PEX6: variants seen among roughly 807,000 people sequenced by gnomAD.
The protein encoded by PEX6 is peroxisome biogenesis factor 6.
A neutral mutation model predicts 85.6 loss-of-function variants in PEX6; 55 were observed. That is an observed-to-expected ratio of 0.64 (90% confidence interval 0.52 to 0.80). The LOEUF (loss-of-function observed/expected upper bound fraction) is 0.80. PEX6 is among the 30% of genes least tolerant of loss of function. The probability of loss-of-function intolerance (pLI) is 0.00; values close to 1 mark genes in which losing one functional copy is unlikely to be tolerated. For missense variants in PEX6, 1,099 were observed against 1,260.3 expected (o/e 0.87, Z 1.94); for synonymous variants, 519 against 549.1 (o/e 0.95, Z 0.77).
chr6:42,978,380 G>C lies in PEX6; in HGVS notation c.771C>G (p.Pro257=). ...PRWDLSDRLG[P]GSGPLGEPLA... ...GGGGCTCTCCCAGCGGTCCAGAGCC[G>C]GGTCCCAGTCTATCAGAGAGGTCCC... is the stretch of plus-strand genomic sequence containing the variant. Residue 257 remains proline, a synonymous_variant, in exon 1 of 17, where the codon CCC becomes CCG. Coordinates refer to ENST00000304611, the MANE Select transcript of PEX6 (RefSeq NM_000287.4). 6.2e-7 allele frequency: 1 copy of C among 1,614,160 alleles called. No individual in the cohort carries two copies. The highest frequency in any genetic ancestry group is 1.1e-5 in the South Asian group (1 of 91,084).
At chr6:42,975,565 TATTA>T (rs1770254650) in intron 1 of PEX6, among the ~76,000 whole-genome samples, 1 of 152,186 alleles carries the variant, frequency 6.6e-6, no homozygotes, top group Admixed American at 6.5e-5. Flanking sequence ...CATCCCAAAG[TATTA>T]ACTGGTTACT....
chr6:42,978,389 TCTA>T lies in PEX6; in HGVS notation c.759_761del (p.Asp253_Arg254delinsGlu). On this transcript the variant is annotated inframe_deletion, in exon 1 of 17. Transcript: ENST00000304611. ...CCAGCGGTCCAGAGCCGGGTCCCAG[TCTA>T]TCAGAGAGGTCCCAGCGAGGTTCTA... is the stretch of plus-strand genomic sequence containing the variant. The T allele has an allele frequency of 6.2e-7, 1 of 1,614,086 alleles. No homozygotes were observed. Among genetic ancestry groups the T allele is most frequent in the Non-Finnish European group, 8.5e-7 (1 of 1,180,006 alleles).
chr6:42,964,807 A>AC lies in PEX6; in HGVS notation c.2788dup (p.Val930GlyfsTer3). On this transcript the variant is annotated frameshift_variant, in exon 16 of 17. Transcript: ENST00000304611. LOFTEE classifies it high-confidence loss of function. This position sits in a 1 kb window ranked among gnomAD's most constrained non-coding sequence, Gnocchi z 4.6. Reference sequence around the variant, plus strand: ...TGGCTCACCTTCCTCCAGGTCATGAACCCTGCGTTTGAGGGCAGCTGTCAT... The same window carrying AC: ...TGGCTCACCTTCCTCCAGGTCATGAACCCCTGCGTTTGAGGGCAGCTGTCAT... 1 of 1,613,906 alleles carries AC rather than the reference A, an allele frequency of 6.2e-7. No homozygotes were observed. Among genetic ancestry groups the AC allele is most frequent in the Non-Finnish European group, 8.5e-7 (1 of 1,179,998 alleles).
At chr6:42,972,769 CA>C (rs3997649) in intron 3 of PEX6, among the ~76,000 whole-genome samples, 3,375 of 57,216 alleles carry the variant, frequency 0.059, 117 homozygotes, top group African/African-American at 0.2. Context: ...GACTCTGTCT[CA>C]AAAAAAAAAA....
intron 1 of PEX6, among the ~76,000 whole-genome samples, chr6:42,976,373 CTTTTTT>C (rs67595251): frequency 0.013 from 2,027 of 151,698 alleles, 29 homozygotes; most frequent in Non-Finnish European, 0.022. Context: ...TCATTTTTTT[CTTTTTT>C]TGAGACAGAA....
intron 1 of PEX6, 44 bp from the exon 2 acceptor site, chr6:42,975,082 G>A (rs898374613): frequency 1.3e-6 from 2 of 1,509,746 alleles, no homozygotes; most frequent in East Asian, 4.5e-5. Context: ...CTCCTAAGGG[G>A]GCAGGCTCTA....
At position 42,966,334 on chromosome 6, in the gene PEX6, T is replaced by C. The variant is rs1769804754; in HGVS notation, c.2208A>G (p.Arg736=). Residue 736 remains arginine (R), a synonymous_variant, in exon 11 of 17, where the codon AGA becomes AGG. Coordinates refer to ENST00000304611, the MANE Select transcript of PEX6 (RefSeq NM_000287.4). ...EHPELLSLGL[R]RSGLLLHGPP... is the part of the protein sequence containing the mutation. ...GCCCATGGAGCAGAAGGCCTGAGCGTCTCAGGCCCAGGCTCAGTAGCTCAG... is the reference window on the plus strand; with the variant it reads ...GCCCATGGAGCAGAAGGCCTGAGCGCCTCAGGCCCAGGCTCAGTAGCTCAG... 3.1e-6 allele frequency: 5 copies of C among 1,613,564 alleles called. No homozygotes were observed. The highest frequency in any genetic ancestry group is 4.2e-6 in the Non-Finnish European group (5 of 1,179,904).
At chr6:42,968,251 G>GC (rs751839033) in intron 7 of PEX6, 39 bp downstream of exon 7, 50 of 1,569,806 alleles carry the variant, frequency 3.2e-5, no homozygotes, top group East Asian at 2.2e-4. Context: ...CGCCCAGCCG[G>GC]CCCCCCCAGC....
Position 42,964,386 on chromosome 6 carries a change from C to T in PEX6, c.2892G>A (p.Glu964=), listed in dbSNP as rs1561818538. ...TGCGCTTGTACCGGAGCAGCTCCTG[C>T]TCACTGACTGAGGGTTGCAGCCGGG... ...AAARLQPSVS[E]QELLRYKRIQ... Residue 964 remains glutamate, a synonymous_variant, in exon 17 of 17, where the codon GAG becomes GAA. Transcript: ENST00000304611. The surrounding 1 kb of genome is among the most constrained non-coding windows in gnomAD (Gnocchi z 4.6). The T allele has an allele frequency of 6.2e-7, 1 of 1,613,900 alleles. No individual in the cohort carries two copies. Among genetic ancestry groups the T allele is most frequent in the Non-Finnish European group, 8.5e-7 (1 of 1,180,038 alleles).
rs756925757 is a variant in PEX6 at position 42,966,672 on chromosome 6, A to G, written c.1962-15T>C. The G allele has an allele frequency of 5.9e-5, 95 of 1,614,020 alleles. No homozygotes were observed. The highest frequency in any genetic ancestry group is 5.4e-5 in the Non-Finnish European group (64 of 1,180,018). Reference sequence around the variant, plus strand: ...CACCTGCCAAACTGCAAAGAGGAACACAGGGAAGCCTCCTCACCATCAGCG... The same window carrying G: ...CACCTGCCAAACTGCAAAGAGGAACGCAGGGAAGCCTCCTCACCATCAGCG... On this transcript the variant is annotated splice_polypyrimidine_tract_variant and intron_variant, in intron 9 of 16. Coordinates refer to ENST00000304611, the MANE Select transcript of PEX6 (RefSeq NM_000287.4).
In PEX6 at chr6:42,964,114, C is replaced by A; in HGVS notation, c.*221G>T. 1.6e-6 allele frequency: 1 copy of A among 607,970 alleles called. No homozygotes were observed. Among genetic ancestry groups the A allele is most frequent in the Non-Finnish European group, 2.9e-6 (1 of 344,266 alleles). The allele number at this position is 607,970 out of a possible 1,614,324, so 37.7% of individuals were successfully genotyped here. A position where few individuals can be genotyped will look rare whatever the true frequency, so the allele number is the denominator to read the frequency against. ...TCTTCCTGAGTAGATGGGCCTTTCT[C>A]TTAGAGCCGGCCTGGAAGGAGGGGC... On this transcript the variant is annotated 3_prime_UTR_variant, in exon 17 of 17. Transcript: ENST00000304611. This position sits in a 1 kb window ranked among gnomAD's most constrained non-coding sequence, Gnocchi z 4.6.
rs1181573346 is a variant in PEX6 at position 42,966,964 on chromosome 6, G to GTTTTTT, written c.1885-107_1885-106insAAAAAA. On this transcript the variant is annotated intron_variant, in intron 8 of 16. Transcript: ENST00000304611. ...GGCCCTCTGTTGATGCCTTAGGTTTGTTGTTTTTTTTTTTTTTTTTTTTTT... is the reference window on the plus strand; with the variant it reads ...GGCCCTCTGTTGATGCCTTAGGTTTGTTTTTTTTGTTTTTTTTTTTTTTTTTTTTTT... 180 of 586,204 alleles carry GTTTTTT rather than the reference G, an allele frequency of 3.1e-4. 2 individuals carry two copies. The highest frequency in any genetic ancestry group is 9.3e-4 in the Admixed American group (28 of 30,000). The allele number at this position is 586,204 out of a possible 1,614,324, so 36.3% of individuals were successfully genotyped here.
Position 42,966,856 on chromosome 6 carries a change from GCCCTAGGGAA to G in PEX6, c.1885-8_1886del. On this transcript the variant is annotated splice_acceptor_variant and splice_polypyrimidine_tract_variant and coding_sequence_variant and intron_variant, in exon 9 of 17. Transcript: ENST00000304611. LOFTEE classifies it high-confidence loss of function. ...GGGCATAGAGATCCCCTACCACAAA[GCCCTAGGGAA>G]CCACAGGAAAGGACACATGAGCAGG... 6.2e-7 allele frequency: 1 copy of G among 1,611,844 alleles called. No homozygotes were observed. Among genetic ancestry groups the G allele is most frequent in the South Asian group, 1.1e-5 (1 of 91,074 alleles).
rs1317205407 is a variant in PEX6 at position 42,979,110 on chromosome 6, G to A, written c.41C>T (p.Thr14Ile). The A allele has an allele frequency of 1.9e-6, 3 of 1,567,182 alleles. No homozygotes were observed. The highest frequency in any genetic ancestry group is 2.6e-6 in the Non-Finnish European group (3 of 1,165,312). ...CAGCACTGCCAACGGGGGTGTCTCG[G>A]TCGGAAAGGGCTCCAGGACCCGCAA... ...AVLRVLEPFP[T>I]ETPPLAVLLP... is the part of the protein sequence containing the mutation. The change falls in exon 1 of 17, where the codon ACC (threonine) becomes ATC (isoleucine). Residue 14 changes from threonine to isoleucine, a missense_variant. This residue lies in a region of PEX6 where 579 missense variants were observed against 611.6 expected (regional missense o/e 0.95). Transcript: ENST00000304611.
At chr6:42,976,109 G>A (rs1327885049) in intron 1 of PEX6, among the ~76,000 whole-genome samples, 6 of 151,856 alleles carry the variant, frequency 4.0e-5, no homozygotes, top group Non-Finnish European at 8.8e-5. Flanking sequence ...AGCCAGGATG[G>A]TCTCAATCTC....
At chr6:42,970,933 G>A (rs929922933) in intron 3 of PEX6, among the ~76,000 whole-genome samples, 29 of 152,150 alleles carry the variant, frequency 1.9e-4, no homozygotes, top group Admixed American at 1.1e-3. Context: ...ACCTACTAAC[G>A]GGGAATAGGA....
In PEX6 at chr6:42,966,177, C is replaced by T. The variant is rs1769794657; in HGVS notation, c.2300+65G>A. 1.2e-5 allele frequency: 20 copies of T among 1,608,610 alleles called. No individual in the cohort carries two copies. In the East Asian group the frequency reaches 1.3e-4, roughly 11 times the overall value. On this transcript the variant is annotated intron_variant, in intron 11 of 16. Transcript: ENST00000304611. ...ACACAATTGACCTCTTGGGCAGCCCCTCCTGCTCCCCAGCCTGCTGCAGCC... is the reference window on the plus strand; with the variant it reads ...ACACAATTGACCTCTTGGGCAGCCCTTCCTGCTCCCCAGCCTGCTGCAGCC...
At chr6:42,967,312 T>C (rs1581761942) in intron 8 of PEX6, 56 bp downstream of exon 8, 1 of 1,536,578 alleles carries the variant, frequency 6.5e-7, no homozygotes, top group East Asian at 2.3e-5. Context: ...ACTGAGTTCT[T>C]GTAACAAAAG....
rs1407928755 is a variant in PEX6, at chr6:42,964,413, G to A, written c.2865C>T (p.Ala955=). 7.4e-6 allele frequency: 12 copies of A among 1,613,826 alleles called. No homozygotes were observed. The highest frequency in any genetic ancestry group is 4.5e-5 in the East Asian group (2 of 44,882). ...MLTMEDLLQA[A]ARLQPSVSEQ... The stretch of plus-strand genomic sequence containing the variant: ...CACTGACTGAGGGTTGCAGCCGGGC[G>A]GCAGCCTGCAGCAAGTCCTCCATGG... The change falls in exon 17 of 17, where the codon GCC becomes GCT. Residue 955 remains alanine (A), a synonymous_variant. Coordinates refer to ENST00000304611, the MANE Select transcript of PEX6 (RefSeq NM_000287.4). This position sits in a 1 kb window ranked among gnomAD's most constrained non-coding sequence, Gnocchi z 4.6.
Sources: gnomAD v4.1 joint callset for allele counts (sites outside exome capture counted in the v4.1 genomes callset) on GRCh38, gnomAD v4.1.1 for gene constraint, gnomAD v4.1.1 regional missense constraint, Gnocchi (gnomAD v3.1) non-coding constraint, MANE v1.5 for transcripts, NCBI Gene and HGNC (gene_info 2026-07-23, HGNC 2026-07-21) for gene names.